XRN1: variants seen among roughly 807,000 people sequenced by gnomAD.
XRN1 encodes the protein strand-exchange protein 1 homolog.
XRN1 carries 67 observed loss-of-function variants against 222.3 expected under a neutral mutation model. The ratio of observed to expected loss-of-function variants is 0.30; its 90% CI spans 0.25 to 0.37. The LOEUF (loss-of-function observed/expected upper bound fraction) is 0.37. Among genes scored for constraint, XRN1 ranks in the 10% least tolerant of loss-of-function variants. The pLI is 1.00. For synonymous variants in XRN1, 643 were observed against 652.4 expected (o/e 0.99, Z 0.22); for missense variants, 1,707 against 2,000.2 (o/e 0.85, Z 2.80).
chr3:142,441,557 T>G (rs988605474), intron 1 of XRN1, among the ~76,000 whole-genome samples: 6 of 152,220 alleles, frequency 3.9e-5, no homozygotes, highest in African/African-American at 1.2e-4. Flanking sequence ...TCATTGTTTA[T>G]AGGTAGTGGC....
chr3:142,331,606 G>A (rs2065697619), intron 36 of XRN1, among the ~76,000 whole-genome samples: 1 of 152,084 alleles, frequency 6.6e-6, no homozygotes, highest in South Asian at 2.1e-4. Context: ...GTTAAATAAT[G>A]TATTTAAGTT....
At chr3:142,369,244 C>T (rs544606036) in intron 27 of XRN1, among the ~76,000 whole-genome samples, 6 of 152,250 alleles carry the variant, frequency 3.9e-5, no homozygotes, top group African/African-American at 1.2e-4. Context: ...TAAAACAACG[C>T]AACTCTACTA....
intron 37 of XRN1, among the ~76,000 whole-genome samples, chr3:142,322,680 C>G (rs563019493): frequency 2.0e-5 from 3 of 148,432 alleles, no homozygotes; most frequent in Non-Finnish European, 2.9e-5. Flanking sequence ...TGTCCCCAAA[C>G]AAACAAACAA....
intron 39 of XRN1, chr3:142,313,286 A>G (rs1203903101): frequency 1.7e-6 from 2 of 1,209,096 alleles, no homozygotes; most frequent in Non-Finnish European, 2.4e-6. Context: ...TTTTTCACTT[A>G]CAGTTTGTTT....
chr3:142,330,436 A>G (rs2065661773), intron 36 of XRN1, among the ~76,000 whole-genome samples: 1 of 152,204 alleles, frequency 6.6e-6, no homozygotes, highest in Admixed American at 6.5e-5. Context: ...ACTCACTAAT[A>G]GAACAAAAGC....
chr3:142,419,961 A>G (rs2068942191), intron 10 of XRN1, among the ~76,000 whole-genome samples: 1 of 152,184 alleles, frequency 6.6e-6, no homozygotes, highest in African/African-American at 2.4e-5. Flanking sequence ...AATTGATTCT[A>G]TTATTCATTT....
intron 39 of XRN1, chr3:142,313,316 A>C (rs1577199754): frequency 1.1e-6 from 1 of 881,828 alleles, no homozygotes; most frequent in East Asian, 2.5e-5. Context: ...GTAATGAACC[A>C]ATGGGTGCCA....
intron 15 of XRN1, among the ~76,000 whole-genome samples, chr3:142,410,492 T>TTG (rs2068525968): frequency 7.7e-6 from 1 of 129,512 alleles, no homozygotes; most frequent in Admixed American, 7.6e-5. Flanking sequence ...CTCATGTTTT[T>TTG]TTTTTTTTTT....
At chr3:142,362,668 G>A (rs1470641085) in intron 29 of XRN1, among the ~76,000 whole-genome samples, 1 of 139,652 alleles carries the variant, frequency 7.2e-6, no homozygotes, top group Admixed American at 7.8e-5. Context: ...CTCCTGCTCC[G>A]GCCTTTTCTT....
chr3:142,391,749 AATATATAT>A (rs56952263), intron 20 of XRN1, among the ~76,000 whole-genome samples: 17 of 103,458 alleles, frequency 1.6e-4, no homozygotes, highest in South Asian at 2.7e-4. Flanking sequence ...AAAAAAAAAA[AATATATAT>A]ATATATATAT....
In XRN1 at chr3:142,365,114, A is replaced by C. The variant is rs1351479093; in HGVS notation, c.3327T>G (p.Val1109=). Residue 1109 remains valine (V), a synonymous_variant, in exon 29 of 41, where the codon GTT becomes GTG. Transcript: ENST00000392981. The part of the protein sequence containing the change: ...RDAEFCLFDR[V]VNVRENFSVP... ...CTGAGAAGTTTTCTCTCACATTTAC[A>C]ACACGGTCAAAAAGACAAAATTCTG... 1.9e-6 allele frequency: 3 copies of C among 1,613,462 alleles called. No homozygotes were observed. The highest frequency in any genetic ancestry group is 2.5e-6 in the Non-Finnish European group (3 of 1,179,700).
chr3:142,369,504 T>C (rs2066917470), intron 27 of XRN1, among the ~76,000 whole-genome samples: 1 of 151,008 alleles, frequency 6.6e-6, no homozygotes, highest in Non-Finnish European at 1.5e-5. Flanking sequence ...AAAAATTGGC[T>C]GGGCGAGGTG....
At chr3:142,405,165 A>T in intron 15 of XRN1, 89 bp from the exon 16 acceptor site, 1 of 1,319,054 alleles carries the variant, frequency 7.6e-7, no homozygotes, top group Non-Finnish European at 1.1e-6. Flanking sequence ...CCATATACAG[A>T]ATAACCATTT....
intron 25 of XRN1, among the ~76,000 whole-genome samples, chr3:142,373,875 G>A (rs2067061221): frequency 1.3e-5 from 2 of 152,230 alleles, no homozygotes; most frequent in South Asian, 2.1e-4. Context: ...CCAGCTACTC[G>A]GGAGGCTGAG....
chr3:142,369,364 A>C (rs1178012001), intron 27 of XRN1, among the ~76,000 whole-genome samples: 1 of 152,186 alleles, frequency 6.6e-6, no homozygotes, highest in Non-Finnish European at 1.5e-5. Flanking sequence ...AGTACATTTT[A>C]GGCCAGGCAC....
chr3:142,365,146 GATC>G lies in XRN1; in HGVS notation c.3292_3294del (p.Asp1098del). 1 of 1,613,024 alleles carries G rather than the reference GATC, an allele frequency of 6.2e-7. No individual in the cohort carries two copies. The highest frequency in any genetic ancestry group is 8.5e-7 in the Non-Finnish European group (1 of 1,179,474). ...TCAAAAAGACAAAATTCTGCATCCC[GATC>G]AGGAATGACTCCATGTTGCTGTTCT... On this transcript the variant is annotated inframe_deletion, in exon 29 of 41. Transcript: ENST00000392981.
At chr3:142,410,964 G>A (rs994140064) in intron 15 of XRN1, among the ~76,000 whole-genome samples, 1 of 152,154 alleles carries the variant, frequency 6.6e-6, no homozygotes, top group Non-Finnish European at 1.5e-5. Context: ...GTGTAAGATT[G>A]GCATTATTTC....
intron 39 of XRN1, among the ~76,000 whole-genome samples, chr3:142,317,926 T>C (rs1261562750): frequency 1.7e-5 from 1 of 59,806 alleles, no homozygotes; most frequent in African/African-American, 2.0e-4. Context: ...TCTGCTGATA[T>C]TTCTTCTGTC....
At chr3:142,400,798 G>A (rs2068100322) in intron 18 of XRN1, among the ~76,000 whole-genome samples, 1 of 152,088 alleles carries the variant, frequency 6.6e-6, no homozygotes, top group Non-Finnish European at 1.5e-5. Context: ...ACACGCAGTA[G>A]TCCCAGCTAC....
Sources: allele counts gnomAD v4.1 joint callset (sites outside exome capture counted in the v4.1 genomes callset), GRCh38; gene constraint gnomAD v4.1.1; transcripts MANE v1.5; gene names NCBI Gene and HGNC (gene_info 2026-07-23, HGNC 2026-07-21).